Variants in SLC8A2 observed in about 807,000 individuals in gnomAD.
The protein encoded by SLC8A2 is sodium/calcium exchanger 2.
A neutral mutation model predicts 70.2 loss-of-function variants in SLC8A2; 14 were observed. That is an observed-to-expected ratio of 0.20 (90% CI 0.13 to 0.31). SLC8A2 has a LOEUF of 0.31. Among genes scored for constraint, SLC8A2 ranks in the 10% least tolerant of loss-of-function variants. SLC8A2 has a pLI of 1.00. For synonymous variants in SLC8A2, 575 were observed against 594.3 expected (o/e 0.97, Z 0.47); for missense variants, 779 against 1,320.1 (o/e 0.59, Z 6.35).
intron 4 of SLC8A2, among the ~76,000 whole-genome samples, chr19:47,446,604 A>T (rs1052384291): frequency 6.6e-6 from 1 of 152,002 alleles, no homozygotes; most frequent in Non-Finnish European, 1.5e-5. Flanking sequence ...ATTTTAAACA[A>T]TTTTTAGCAG....
Position 47,457,783 on chromosome 19 carries a change from TTTC to T in SLC8A2, c.676-192_676-190del, listed in dbSNP as rs1212864676. ...CTTTCTTTCCTTTCTTTCTTTTTCT[TTTC>T]TTTTCTTTTCTCTTCCTTCCTTTCT... On this transcript the variant is annotated intron_variant, in intron 2 of 9. Coordinates refer to ENST00000236877, the MANE Select transcript of SLC8A2 (RefSeq NM_015063.3). Among the ~76,000 whole-genome samples, 872 of 136,288 alleles carry T rather than the reference TTTC, an allele frequency of 6.4e-3. 5 individuals are homozygous for T. The highest frequency in any genetic ancestry group is 0.019 in the South Asian group (77 of 4,114). 89.4% of individuals were successfully genotyped at this position (136,288 alleles called of 152,430 possible).
rs773861561 is a variant in SLC8A2 at position 47,430,344 on chromosome 19, G to A, written c.2511C>T (p.Ala837=). 92 of 1,612,088 alleles carry A rather than the reference G, an allele frequency of 5.7e-5. No individual in the cohort carries two copies. The highest frequency in any genetic ancestry group is 7.7e-5 in the Non-Finnish European group (91 of 1,179,412). ...GGCCCTGCACCGCCCAGTACACGGC[G>A]GCCACAGACCAGGCGACGCCCAGGC... ...FLGLGVAWSV[A]AVYWAVQGRP... is the part of the protein sequence containing the mutation. Residue 837 remains alanine (A), a synonymous_variant, in exon 10 of 10, where the codon GCC becomes GCT. Transcript: ENST00000236877. The surrounding 1 kb of genome is among the most constrained non-coding windows in gnomAD (Gnocchi z 5.9).
chr19:47,471,026 A>T (rs1161642301), intron 1 of SLC8A2, among the ~76,000 whole-genome samples: 1 of 149,544 alleles, frequency 6.7e-6, no homozygotes, highest in East Asian at 2.0e-4. Flanking sequence ...GTGTGGGAGG[A>T]GGGTGCACTG....
intron 3 of SLC8A2, 140 bp downstream of exon 3, chr19:47,456,790 C>T: frequency 1.1e-6 from 1 of 918,924 alleles, no homozygotes. Flanking sequence ...AAAGCAGGCT[C>T]TCAGGAATGA....
At chr19:47,444,383 C>G (rs903470380) in intron 4 of SLC8A2, among the ~76,000 whole-genome samples, 2 of 152,128 alleles carry the variant, frequency 1.3e-5, no homozygotes, top group Non-Finnish European at 2.9e-5. Context: ...CACAAGACGG[C>G]CATGTGGGGA....
At chr19:47,469,277 T>G (rs528839314) in intron 1 of SLC8A2, among the ~76,000 whole-genome samples, 16 of 152,166 alleles carry the variant, frequency 1.1e-4, no homozygotes, top group African/African-American at 3.6e-4. Flanking sequence ...TAGGCATAAT[T>G]ACAAACCCAC....
At chr19:47,445,689 G>A (rs1967152313) in intron 4 of SLC8A2, among the ~76,000 whole-genome samples, 1 of 152,212 alleles carries the variant, frequency 6.6e-6, no homozygotes, top group African/African-American at 2.4e-5. Context: ...ACAGCTGGGA[G>A]CTTGTGGGGG....
intron 3 of SLC8A2, among the ~76,000 whole-genome samples, chr19:47,455,229 C>T (rs904272127): frequency 2.0e-5 from 3 of 152,076 alleles, no homozygotes; most frequent in African/African-American, 7.2e-5. Flanking sequence ...TTGGCTGCTG[C>T]TTGATGGCAG....
intron 9 of SLC8A2, chr19:47,431,961 C>A: frequency 4.3e-6 from 2 of 460,008 alleles, no homozygotes; most frequent in South Asian, 9.8e-5. Context: ...GACCTTCTAC[C>A]TGGGTGCTTT....
intron 4 of SLC8A2, among the ~76,000 whole-genome samples, chr19:47,444,416 T>C (rs1967134793): frequency 6.6e-6 from 1 of 151,948 alleles, no homozygotes; most frequent in African/African-American, 2.4e-5. Context: ...TCCACCCTCC[T>C]GGTTTCAGGA....
Position 47,438,552 on chromosome 19 carries a change from C to T in SLC8A2, c.1886-579G>A, listed in dbSNP as rs139223772. ...TCTTGGAACCAGACCCACCTACATC[C>T]TGGTCCTGAGCTCGCTTCTCTCCCC... On this transcript the variant is annotated intron_variant, in intron 6 of 9. Transcript: ENST00000236877. Among the ~76,000 whole-genome samples, 1,067 of 152,120 alleles carry T rather than the reference C, an allele frequency of 7.0e-3. 13 individuals are homozygous for T. Among genetic ancestry groups the T allele is most frequent in the African/African-American group, 0.024 (1,008 of 41,468 alleles).
At chr19:47,443,777 C>A (rs1967126974) in intron 4 of SLC8A2, among the ~76,000 whole-genome samples, 2 of 152,196 alleles carry the variant, frequency 1.3e-5, no homozygotes, top group South Asian at 4.1e-4. Flanking sequence ...TCTCTCTCTG[C>A]CTCTCTCAGC....
At position 47,447,083 on chromosome 19, in the gene SLC8A2, C is replaced by CTA. The variant is rs79599234; in HGVS notation, c.1763+724_1763+725dup. On this transcript the variant is annotated intron_variant, in intron 4 of 9. Transcript: ENST00000236877. The surrounding 1 kb of genome is among the most constrained non-coding windows in gnomAD (Gnocchi z 5.1). ...GCCCAGATTCGCGTTAGGTGCCCCGCTATTTCCCCAGGTTCTTCCTCATAC... is the reference window on the plus strand; with the variant it reads ...GCCCAGATTCGCGTTAGGTGCCCCGCTATATTTCCCCAGGTTCTTCCTCATAC... Among the ~76,000 whole-genome samples the CTA allele has an allele frequency of 0.11, 17,122 of 151,692 alleles. 1,011 individuals carry two copies. The highest frequency in any genetic ancestry group is 0.16 in the Middle Eastern group (48 of 292).
chr19:47,441,520 C>T (rs1289101048), intron 4 of SLC8A2, 80 bp from the exon 5 acceptor site: 41 of 788,918 alleles, frequency 5.2e-5, no homozygotes, highest in Non-Finnish European at 6.4e-6. Context: ...CTCCTGGCAG[C>T]CACCCAGTTT....
chr19:47,430,028 G>T lies in SLC8A2; in HGVS notation c.*61C>A. 6.7e-7 allele frequency: 1 copy of T among 1,499,166 alleles called. No homozygotes were observed. The highest frequency in any genetic ancestry group is 8.9e-7 in the Non-Finnish European group (1 of 1,118,678). 92.9% of individuals were successfully genotyped at this position (1,499,166 alleles called of 1,614,324 possible). A position where few individuals can be genotyped will look rare whatever the true frequency, so the allele number is the denominator to read the frequency against. ...GGGAAAAGGAGACCAGGGTCCAAGAGCAGGTGCAGCCGAGTCCCTAGCCCC... is the reference window on the plus strand; with the variant it reads ...GGGAAAAGGAGACCAGGGTCCAAGATCAGGTGCAGCCGAGTCCCTAGCCCC... On this transcript the variant is annotated 3_prime_UTR_variant, in exon 10 of 10. Transcript: ENST00000236877. This position sits in a 1 kb window ranked among gnomAD's most constrained non-coding sequence, Gnocchi z 5.9.
intron 4 of SLC8A2, among the ~76,000 whole-genome samples, chr19:47,446,319 A>T (rs550474714): frequency 2.0e-5 from 3 of 147,324 alleles, no homozygotes; most frequent in Admixed American, 6.7e-5. Context: ...TCAGGCACAC[A>T]TTGGGGGACA....
At chr19:47,434,744 T>C (rs1358691344) in intron 8 of SLC8A2, among the ~76,000 whole-genome samples, 1 of 152,152 alleles carries the variant, frequency 6.6e-6, no homozygotes, top group Non-Finnish European at 1.5e-5. Context: ...GAGTGAGGAC[T>C]ACCCTTCTCC....
chr19:47,434,666 AG>A (rs1342540793), intron 8 of SLC8A2, among the ~76,000 whole-genome samples: 1 of 152,176 alleles, frequency 6.6e-6, no homozygotes, highest in African/African-American at 2.4e-5. Context: ...AGGAGCTTAC[AG>A]TAGGAAGGGA....
At chr19:47,456,286 G>GAGGC (rs1238040950) in intron 3 of SLC8A2, among the ~76,000 whole-genome samples, 3 of 152,238 alleles carry the variant, frequency 2.0e-5, no homozygotes, top group African/African-American at 7.2e-5. Flanking sequence ...TGAATGCCTG[G>GAGGC]AGGCAGCACC....
Sources: allele counts gnomAD v4.1 joint callset (sites outside exome capture counted in the v4.1 genomes callset), GRCh38; gene constraint gnomAD v4.1.1; non-coding constraint Gnocchi (gnomAD v3.1); transcripts MANE v1.5; gene names NCBI Gene and HGNC (gene_info 2026-07-23, HGNC 2026-07-21).